TPRG1: variants seen among roughly 807,000 people sequenced by gnomAD.
TPRG1 encodes tumor protein p63-regulated gene 1 protein.
TPRG1 carries 29 observed loss-of-function variants against 29.3 expected under a neutral mutation model. The ratio of observed to expected loss-of-function variants is 0.99; its 90% CI spans 0.74 to 1.35. The LOEUF (loss-of-function observed/expected upper bound fraction) is 1.35, where lower values mean the gene tolerates loss of function less well. Ranked by LOEUF, TPRG1 falls within the 40% of genes most tolerant of loss-of-function variation. The probability of loss-of-function intolerance (pLI) is 0.00; values close to 1 mark genes in which losing one functional copy is unlikely to be tolerated. For synonymous variants in TPRG1, 130 were observed against 116.8 expected (o/e 1.11, Z -0.73); for missense variants, 327 against 335.0 (o/e 0.98, Z 0.19).
chr3:189,074,305 G>A (rs1716992634), intron 4 of TPRG1, among the ~76,000 whole-genome samples: 2 of 146,220 alleles, frequency 1.4e-5, no homozygotes, highest in African/African-American at 5.1e-5. Flanking sequence ...TCCAGGTTTC[G>A]CGCCATTTTC....
chr3:189,160,380 C>T (rs1316071798), intron 5 of TPRG1, among the ~76,000 whole-genome samples: 1 of 152,160 alleles, frequency 6.6e-6, no homozygotes, highest in Non-Finnish European at 1.5e-5. Flanking sequence ...ATTTGGTGCT[C>T]AGTAAATCCC....
At chr3:189,196,612 T>C (rs1036090296) in intron 1 of TPRG1, among the ~76,000 whole-genome samples, 4 of 152,146 alleles carry the variant, frequency 2.6e-5, no homozygotes, top group Admixed American at 2.6e-4. Flanking sequence ...TGGAAAAGAC[T>C]GGCCCCCATG....
At chr3:189,138,903 C>T (rs563658094) in intron 3 of TPRG1, among the ~76,000 whole-genome samples, 2 of 152,130 alleles carry the variant, frequency 1.3e-5, no homozygotes, top group East Asian at 3.9e-4. Context: ...TGAAAGGTGC[C>T]CTGTGGCCAC....
chr3:189,312,135 T>TC (rs1560689123), intron 5 of TPRG1, among the ~76,000 whole-genome samples: 4 of 58,504 alleles, frequency 6.8e-5, no homozygotes, highest in Admixed American at 3.3e-4. Flanking sequence ...CTTTCTTTCT[T>TC]TCTTTCTTTC....
At chr3:189,226,590 A>G (rs4574282) in intron 3 of TPRG1, among the ~76,000 whole-genome samples, 2,203 of 152,182 alleles carry the variant, frequency 0.014, 52 homozygotes, top group African/African-American at 0.05. Flanking sequence ...TCTCAAATCA[A>G]CAACCTAAGT....
intron 4 of TPRG1, among the ~76,000 whole-genome samples, chr3:189,059,642 G>A (rs975679901): frequency 1.3e-5 from 2 of 151,818 alleles, no homozygotes; most frequent in African/African-American, 4.8e-5. Flanking sequence ...AAAAAAAAAG[G>A]TCTGTGAGAT....
intron 4 of TPRG1, among the ~76,000 whole-genome samples, chr3:189,081,121 G>C (rs1219290620): frequency 9.2e-5 from 14 of 152,112 alleles, no homozygotes; most frequent in Admixed American, 9.2e-4. Flanking sequence ...GAAACGGGCT[G>C]GTGACTGAAG....
chr3:189,188,646 A>G (rs543739230), intron 1 of TPRG1, among the ~76,000 whole-genome samples: 10 of 152,322 alleles, frequency 6.6e-5, no homozygotes, highest in African/African-American at 2.2e-4. Context: ...TTGGAAGTGT[A>G]CTGGGCTTAT....
chr3:189,260,783 C>A (rs1305908089), intron 4 of TPRG1, among the ~76,000 whole-genome samples: 2 of 152,164 alleles, frequency 1.3e-5, no homozygotes, highest in African/African-American at 4.8e-5. Flanking sequence ...CAGCAACTAC[C>A]ATCTGCCTCC....
chr3:189,181,050 TG>T (rs1730149238), intron 1 of TPRG1, among the ~76,000 whole-genome samples: 1 of 152,210 alleles, frequency 6.6e-6, no homozygotes, highest in South Asian at 2.1e-4. Context: ...AGCCATGGCC[TG>T]AGCTCTATGT....
At chr3:189,205,267 G>T (rs910134344) in intron 1 of TPRG1, among the ~76,000 whole-genome samples, 9 of 152,176 alleles carry the variant, frequency 5.9e-5, no homozygotes, top group Non-Finnish European at 1.0e-4. Flanking sequence ...AACATATAAA[G>T]CTTAAGAAAT....
intron 3 of TPRG1, among the ~76,000 whole-genome samples, chr3:189,020,104 T>C (rs1713210809): frequency 2.6e-5 from 4 of 152,132 alleles, no homozygotes; most frequent in African/African-American, 9.7e-5. Context: ...TTATTGCGTC[T>C]ATTTGATTCT....
At chr3:189,015,729 C>T (rs943203774) in intron 3 of TPRG1, among the ~76,000 whole-genome samples, 2 of 152,232 alleles carry the variant, frequency 1.3e-5, no homozygotes, top group Non-Finnish European at 2.9e-5. Context: ...GCCATTGCTT[C>T]AGAGGGTGCA....
In TPRG1 at chr3:189,323,334, C is replaced by G. The variant is rs1033776705; in HGVS notation, c.*2514C>G. Reference sequence around the variant, plus strand: ...AAGAGTTGGATCAATCATGGGAGACCCTGAAAAATTTCCTTACCTTTCCTA... The same window carrying G: ...AAGAGTTGGATCAATCATGGGAGACGCTGAAAAATTTCCTTACCTTTCCTA... On this transcript the variant is annotated 3_prime_UTR_variant, in exon 6 of 6. Coordinates refer to ENST00000345063, the MANE Select transcript of TPRG1 (RefSeq NM_198485.4). 6.6e-6 allele frequency: 1 copy of G among 151,900 alleles called. No homozygotes were observed. The highest frequency in any genetic ancestry group is 2.4e-5 in the African/African-American group (1 of 41,346). The allele number at this position is 151,900 out of a possible 1,614,324, so 9.4% of individuals were successfully genotyped here.
chr3:189,163,027 T>G (rs1727684291), intron 5 of TPRG1, among the ~76,000 whole-genome samples: 1 of 152,210 alleles, frequency 6.6e-6, no homozygotes, highest in African/African-American at 2.4e-5. Flanking sequence ...ATCCCAGTAC[T>G]TTAGGAGGCC....
intron 1 of TPRG1, among the ~76,000 whole-genome samples, chr3:189,187,326 A>G (rs1211448805): frequency 6.7e-6 from 1 of 148,482 alleles, no homozygotes; most frequent in East Asian, 2.0e-4. Context: ...GTTTTTTTTG[A>G]GATGGAGTCT....
intron 4 of TPRG1, among the ~76,000 whole-genome samples, chr3:189,061,361 C>A (rs573424465): frequency 6.6e-6 from 1 of 152,252 alleles, no homozygotes; most frequent in South Asian, 2.1e-4. Flanking sequence ...TGGGCAATAT[C>A]ATTCTAGACA....
chr3:189,196,507 A>G (rs925833682), intron 1 of TPRG1, among the ~76,000 whole-genome samples: 1 of 152,188 alleles, frequency 6.6e-6, no homozygotes, highest in Non-Finnish European at 1.5e-5. Context: ...GACACATCTT[A>G]CATGGCAGCA....
chr3:189,013,291 A>C (rs1475886187), intron 3 of TPRG1, among the ~76,000 whole-genome samples: 1 of 152,156 alleles, frequency 6.6e-6, no homozygotes, highest in Non-Finnish European at 1.5e-5. Context: ...AAATTCATTC[A>C]GGAGCAGGTT....
Sources: gnomAD v4.1 joint callset for allele counts (sites outside exome capture counted in the v4.1 genomes callset) on GRCh38, gnomAD v4.1.1 for gene constraint, MANE v1.5 for transcripts, NCBI Gene and HGNC (gene_info 2026-07-23, HGNC 2026-07-21) for gene names.